Variants in SATL1 observed in about 807,000 individuals in gnomAD.
SATL1 encodes the protein spermidine/spermine N(1)-acetyltransferase-like protein 1.
SATL1 carries 47 observed loss-of-function variants against 51.8 expected under a neutral mutation model. That is an observed-to-expected ratio of 0.91 (90% confidence interval 0.72 to 1.16). SATL1 has a LOEUF of 1.16. Ranked by LOEUF, SATL1 falls within the 50% of genes most tolerant of loss-of-function variation. The probability of loss-of-function intolerance (pLI) is 0.00; values close to 1 mark genes in which losing one functional copy is unlikely to be tolerated. For missense variants in SATL1, 520 were observed against 526.4 expected (o/e 0.99, Z 0.12); for synonymous variants, 176 against 182.4 (o/e 0.97, Z 0.28).
rs751489806 is a variant in SATL1 at position 85,197,368 on chromosome X, CA to C, written c.-313+26836del. On this transcript the variant is annotated intron_variant, in intron 2 of 7. Transcript: ENST00000644105. ...CAAGAATTTACCTTTCTTTGTGTTA[CA>C]AAAAAATCCTTTTAGTTATTAATAC... Among the ~76,000 whole-genome samples the C allele has an allele frequency of 7.3e-3, 811 of 110,791 alleles. 15 individuals carry two copies. The highest frequency in any genetic ancestry group is 0.025 in the African/African-American group (760 of 30,574).
Position 85,108,813 on chromosome X carries a change from T to C in SATL1, c.156A>G (p.Pro52=). Residue 52 remains proline, a synonymous_variant, in exon 3 of 8, where the codon CCA becomes CCG. Coordinates refer to ENST00000644105, the MANE Select transcript of SATL1 (RefSeq NM_001367857.2). The part of the protein sequence containing the change: ...YEMNQVDMKQ[P]SMSQAGMRQS... The stretch of plus-strand genomic sequence containing the variant: ...GCCTCATGCCAGCTTGGCTCATGCT[T>C]GGTTGTTTCATGTCCACTTGGTTCA... 3 of 1,211,865 alleles carry C rather than the reference T, an allele frequency of 2.5e-6. No homozygotes were observed. The South Asian group carries it at 5.3e-5, about 21-fold the overall frequency.
At chrX:85,113,752 A>G (rs185898245) in intron 2 of SATL1, among the ~76,000 whole-genome samples, 2 of 112,273 alleles carry the variant, frequency 1.8e-5, no homozygotes, top group Non-Finnish European at 3.8e-5. Context: ...TCCTTTTAAA[A>G]TTGGCTTTGA....
rs1421744938 is a variant in SATL1 at position 85,192,141 on chromosome X, C to T, written c.-313+32064G>A. 2.7e-5 allele frequency among the ~76,000 whole-genome samples: 3 copies of T among 111,724 alleles called. No homozygotes were observed. The East Asian group carries it at 8.5e-4, about 32-fold the overall frequency. ...TAGTTCAACCACCCTTCATCTTTTA[C>T]CTTGTCTGTTACCATAGCCTTTTAG... is the stretch of plus-strand genomic sequence containing the variant. On this transcript the variant is annotated intron_variant, in intron 2 of 7. Coordinates refer to ENST00000644105, the MANE Select transcript of SATL1 (RefSeq NM_001367857.2).
chrX:85,229,982 T>A (rs991864887), intron 1 of SATL1, among the ~76,000 whole-genome samples: 1 of 111,575 alleles, frequency 9.0e-6, no homozygotes, highest in Non-Finnish European at 1.9e-5. Context: ...TTAATATTGT[T>A]AAAATGTTCA....
At position 85,108,451 on chromosome X, in the gene SATL1, G is replaced by T. The variant is rs58952244; in HGVS notation, c.518C>A (p.Thr173Lys). The T allele has an allele frequency of 4.1e-6, 5 of 1,210,126 alleles. No individual in the cohort carries two copies. Among genetic ancestry groups the T allele is most frequent in the Non-Finnish European group, 5.6e-6 (5 of 895,297 alleles). ...TSQIGMSQPG[T>K]WQTGLSQPVL... ...TGGTTGGCTCAGTCCTGTTTGCCAT[G>T]TGCCTGGTTGGCTCATGCCTATTTG... The change falls in exon 3 of 8, where the codon ACA becomes AAA. Residue 173 changes from threonine to lysine, a missense_variant. Coordinates refer to ENST00000644105, the MANE Select transcript of SATL1 (RefSeq NM_001367857.2).
chrX:85,182,534 T>C (rs1338616422), intron 2 of SATL1, among the ~76,000 whole-genome samples: 7 of 112,006 alleles, frequency 6.2e-5, no homozygotes, highest in African/African-American at 2.3e-4. Context: ...CTACCGTGAA[T>C]AGTGCTTCAG....
rs531872333 is a variant in SATL1, at chrX:85,170,284, T to C, written c.-313+53921A>G. 5.4e-5 allele frequency among the ~76,000 whole-genome samples: 6 copies of C among 110,922 alleles called. No homozygotes were observed. In the South Asian group the frequency reaches 2.3e-3, roughly 42 times the overall value. On this transcript the variant is annotated intron_variant, in intron 2 of 7. Transcript: ENST00000644105. ...TGTACCTGTGAACTTAAAATAAAAG[T>C]TTAAACTATAAGAAAAGTAACAAAA...
chrX:85,204,133 G>C (rs1927743248), intron 2 of SATL1, among the ~76,000 whole-genome samples: 1 of 111,755 alleles, frequency 8.9e-6, no homozygotes, highest in African/African-American at 3.3e-5. Context: ...GGGTTGCAAA[G>C]ATCTGTGGGA....
intron 2 of SATL1, among the ~76,000 whole-genome samples, chrX:85,128,786 C>T (rs1395934378): frequency 8.9e-6 from 1 of 112,091 alleles, no homozygotes; most frequent in Non-Finnish European, 1.9e-5. Flanking sequence ...TTAGGTCTAA[C>T]ATTTAAGTCC....
intron 1 of SATL1, among the ~76,000 whole-genome samples, chrX:85,236,588 CAT>C (rs1209231070): frequency 9.0e-6 from 1 of 111,345 alleles, no homozygotes; most frequent in African/African-American, 3.3e-5. Context: ...GGACAAAAAA[CAT>C]ATGATCATTT....
In SATL1 at chrX:85,151,527, G is replaced by A. The variant is rs1224802332; in HGVS notation, c.-312-42247C>T. ...TTGCCAAGTCAATCCTAAGCCAAAA[G>A]AACAAAGCTGGAGGCATCATGCTAC... On this transcript the variant is annotated intron_variant, in intron 2 of 7. Coordinates refer to ENST00000644105, the MANE Select transcript of SATL1 (RefSeq NM_001367857.2). Among the ~76,000 whole-genome samples, 3 of 111,348 alleles carry A rather than the reference G, an allele frequency of 2.7e-5. No individual in the cohort carries two copies. The South Asian group carries it at 1.1e-3, about 42-fold the overall frequency.
intron 2 of SATL1, among the ~76,000 whole-genome samples, chrX:85,132,847 C>T (rs191442786): frequency 1.8e-5 from 2 of 111,775 alleles, no homozygotes; most frequent in African/African-American, 6.5e-5. Flanking sequence ...GTGTGGATGT[C>T]CTTTTTGTTG....
intron 2 of SATL1, among the ~76,000 whole-genome samples, chrX:85,195,910 G>T (rs774514227): frequency 1.8e-5 from 2 of 110,963 alleles, no homozygotes; most frequent in Non-Finnish European, 3.8e-5. Context: ...ATGAGAACAT[G>T]TGACAATTGA....
chrX:85,233,440 A>G (rs757254706), intron 1 of SATL1, among the ~76,000 whole-genome samples: 3 of 112,297 alleles, frequency 2.7e-5, no homozygotes, highest in Non-Finnish European at 5.6e-5. Context: ...CAAACTAAAT[A>G]AGGCACGAGT....
intron 2 of SATL1, among the ~76,000 whole-genome samples, chrX:85,214,140 A>C (rs1398719107): frequency 3.6e-5 from 4 of 111,965 alleles, no homozygotes; most frequent in Non-Finnish European, 7.5e-5. Flanking sequence ...CCTGGGGCTG[A>C]GTAATTTATA....
At chrX:85,094,849 CTG>C (rs916080836) in intron 5 of SATL1, 65 bp downstream of exon 5, 16 of 684,566 alleles carry the variant, frequency 2.3e-5, no homozygotes, top group Middle Eastern at 3.6e-4. Context: ...TGCTACAAAA[CTG>C]TACTATTTTT....
intron 2 of SATL1, among the ~76,000 whole-genome samples, chrX:85,158,674 T>TAAG (rs1370675225): frequency 9.0e-6 from 1 of 111,459 alleles, no homozygotes; most frequent in Non-Finnish European, 1.9e-5. Flanking sequence ...GGCATATTCT[T>TAAG]AAGAGTATAG....
rs1356314388 is a variant in SATL1 at position 85,108,518 on chromosome X, G to T, written c.451C>A (p.Pro151Thr). The stretch of plus-strand genomic sequence containing the variant: ...CTGGTGCCTACTTGTCTCATGCTTG[G>T]TTGGCTCCCACCTGACTGGCTGTCT... The part of the protein sequence containing the change: ...QLDSQSGGSQ[P>T]SMRQVGTSQL... The change falls in exon 3 of 8, where the codon CCA (proline) becomes ACA (threonine). Residue 151 changes from proline (P) to threonine (T), a missense_variant. Pro to Thr is a conservative substitution (Grantham distance 38). This residue lies in a region of SATL1 where 488 missense variants were observed against 474.3 expected (regional missense o/e 1.03). Transcript: ENST00000644105. 1.7e-6 allele frequency: 2 copies of T among 1,209,940 alleles called. No individual in the cohort carries two copies. Among genetic ancestry groups the T allele is most frequent in the African/African-American group, 3.5e-5 (2 of 57,235 alleles).
chrX:85,199,058 C>T (rs1367492366), intron 2 of SATL1, among the ~76,000 whole-genome samples: 2 of 109,947 alleles, frequency 1.8e-5, no homozygotes, highest in African/African-American at 3.3e-5. Flanking sequence ...CCAGCATGGT[C>T]TCGATCTCCT....
Sources: gnomAD v4.1 joint callset for allele counts (sites outside exome capture counted in the v4.1 genomes callset) on GRCh38, gnomAD v4.1.1 for gene constraint, gnomAD v4.1.1 regional missense constraint, MANE v1.5 for transcripts, NCBI Gene and HGNC (gene_info 2026-07-23, HGNC 2026-07-21) for gene names.